BICD2: variants seen among roughly 807,000 people sequenced by gnomAD.
BICD2 encodes protein bicaudal D homolog 2.
Under a neutral mutation model 72.9 loss-of-function variants are expected in BICD2, and 25 were observed. The ratio of observed to expected loss-of-function variants is 0.34; its 90% CI spans 0.25 to 0.48. BICD2 has a LOEUF of 0.48. Ranked by LOEUF, BICD2 falls within the 20% of genes least tolerant of loss-of-function variation. The pLI, the probability that BICD2 is intolerant of heterozygous loss-of-function variation, is 0.99. For synonymous variants in BICD2, 501 were observed against 516.1 expected, an observed-to-expected ratio of 0.97 and a Z score of 0.40; for missense variants, 894 against 1,175.2, an observed-to-expected ratio of 0.76 and a Z score of 3.50.
At chr9:92,761,087 G>C (rs1854361732) in intron 1 of BICD2, among the ~76,000 whole-genome samples, 1 of 152,120 alleles carries the variant, frequency 6.6e-6, no homozygotes, top group African/African-American at 2.4e-5. Flanking sequence ...GCAGGCAGGG[G>C]AATTTTAGAG....
At chr9:92,718,259 G>A (rs2131499142) in intron 5 of BICD2, among the ~76,000 whole-genome samples, 2 of 152,370 alleles carry the variant, frequency 1.3e-5, no homozygotes, top group South Asian at 4.1e-4. Flanking sequence ...CCAGTATCAG[G>A]AAGCACTACG....
At chr9:92,751,134 T>TTTTG (rs544044268) in intron 1 of BICD2, among the ~76,000 whole-genome samples, 10 of 150,458 alleles carry the variant, frequency 6.6e-5, no homozygotes, top group East Asian at 2.0e-4. Flanking sequence ...TGGTTGGTTT[T>TTTTG]TTGTTGTTGT....
chr9:92,754,615 G>A (rs891513817), intron 1 of BICD2, among the ~76,000 whole-genome samples: 2 of 152,162 alleles, frequency 1.3e-5, no homozygotes, highest in African/African-American at 2.4e-5. Flanking sequence ...CAGAGAGACC[G>A]GCTGAAGCCA....
chr9:92,722,504 C>T (rs1435582179), intron 3 of BICD2, 152 bp downstream of exon 3: 3 of 995,714 alleles, frequency 3.0e-6, no homozygotes, highest in Non-Finnish European at 4.4e-6. Context: ...ACCAAGTATA[C>T]CCCTGCCTCC....
At position 92,720,624 on chromosome 9, in the gene BICD2, G is replaced by C; in HGVS notation, c.738C>G (p.Thr246=). ...TCTTCTGTTCGCGCTCCGTCTTCAGGGTCTCCAGCGCCTCCTCCAGCTGCC... is the reference window on the plus strand; with the variant it reads ...TCTTCTGTTCGCGCTCCGTCTTCAGCGTCTCCAGCGCCTCCTCCAGCTGCC... ...SERQLEEALE[T]LKTEREQKNS... The change falls in exon 4 of 7, where the codon ACC becomes ACG. Residue 246 remains threonine (T), a synonymous_variant. Transcript: ENST00000356884. The surrounding 1 kb of genome is among the most constrained non-coding windows in gnomAD (Gnocchi z 5.4). 6.2e-7 allele frequency: 1 copy of C among 1,614,140 alleles called. No individual in the cohort carries two copies. The highest frequency in any genetic ancestry group is 8.5e-7 in the Non-Finnish European group (1 of 1,180,028).
chr9:92,737,089 A>C (rs997706449), intron 1 of BICD2, among the ~76,000 whole-genome samples: 5 of 152,112 alleles, frequency 3.3e-5, no homozygotes, highest in Admixed American at 2.6e-4. Context: ...ATCTCAGGGA[A>C]GCACAGCCAA....
rs137901540 is a variant in BICD2, at chr9:92,748,644, C to T, written c.240+15861G>A. ...ATGGGAGACCCTACCTCACCATCCC[C>T]TCAGCCAGCTCTTCCCATCCATCCC... is the stretch of plus-strand genomic sequence containing the variant. On this transcript the variant is annotated intron_variant, in intron 1 of 6. Transcript: ENST00000356884. Among the ~76,000 whole-genome samples the T allele has an allele frequency of 3.2e-3, 484 of 152,256 alleles. 5 individuals are homozygous for T. The highest frequency in any genetic ancestry group is 0.011 in the African/African-American group (459 of 41,536).
chr9:92,731,677 TGGAAGATGGC>T (rs1167970756), intron 1 of BICD2, among the ~76,000 whole-genome samples: 2 of 152,048 alleles, frequency 1.3e-5, no homozygotes, highest in African/African-American at 4.8e-5. Context: ...AAGGAGGGAC[TGGAAGATGGC>T]GGAAGATGGC....
intron 1 of BICD2, among the ~76,000 whole-genome samples, chr9:92,759,005 A>AAAT (rs995774986): frequency 1.3e-4 from 19 of 151,910 alleles, no homozygotes; most frequent in African/African-American, 4.3e-4. Flanking sequence ...CAAAATAAAT[A>AAAT]AATAATAATA....
At position 92,720,633 on chromosome 9, in the gene BICD2, C is replaced by T. The variant is rs200066450; in HGVS notation, c.729G>A (p.Ala243=). The change falls in exon 4 of 7, where the codon GCG becomes GCA. Residue 243 remains alanine, a synonymous_variant. Transcript: ENST00000356884. This position sits in a 1 kb window ranked among gnomAD's most constrained non-coding sequence, Gnocchi z 5.4. ...KEISERQLEE[A]LETLKTEREQ... ...CGCGCTCCGTCTTCAGGGTCTCCAG[C>T]GCCTCCTCCAGCTGCCGCTCTGAGA... 1.7e-5 allele frequency: 28 copies of T among 1,614,168 alleles called. No individual in the cohort carries two copies. The Admixed American group carries it at 1.8e-4, about 11-fold the overall frequency.
Position 92,751,336 on chromosome 9 carries a change from A to C in BICD2, c.240+13169T>G, listed in dbSNP as rs151148300. Among the ~76,000 whole-genome samples the C allele has an allele frequency of 3.3e-3, 496 of 152,168 alleles. 1 individual carries two copies. Among genetic ancestry groups the C allele is most frequent in the African/African-American group, 0.011 (449 of 41,508 alleles). ...CGGCTAATTTTTGCATTTTTAGTAG[A>C]GACGGGTTTTCGTCATGTTGGCCAG... On this transcript the variant is annotated intron_variant, in intron 1 of 6. Coordinates refer to ENST00000356884, the MANE Select transcript of BICD2 (RefSeq NM_001003800.2).
At chr9:92,737,822 A>C (rs1853819411) in intron 1 of BICD2, among the ~76,000 whole-genome samples, 1 of 152,230 alleles carries the variant, frequency 6.6e-6, no homozygotes, top group South Asian at 2.1e-4. Flanking sequence ...AGGAGGAAAC[A>C]GTGGCAGGTG....
At chr9:92,746,992 G>T (rs1488090066) in intron 1 of BICD2, among the ~76,000 whole-genome samples, 3 of 152,206 alleles carry the variant, frequency 2.0e-5, no homozygotes, top group Admixed American at 2.0e-4. Context: ...GAGGTCAAAG[G>T]CCGCCCTAAA....
chr9:92,713,767 G>C lies in BICD2; in HGVS notation c.*1387C>G, dbSNP rs1179956926. ...ATCTGGGCCCAGGATGAACACGCAG[G>C]GGACATACATGGGCGTGTCCTGGAG... On this transcript the variant is annotated 3_prime_UTR_variant, in exon 7 of 7. Transcript: ENST00000356884. 1.2e-5 allele frequency: 15 copies of C among 1,295,652 alleles called. No homozygotes were observed. Among genetic ancestry groups the C allele is most frequent in the South Asian group, 1.0e-4 (6 of 59,228 alleles). The allele number at this position is 1,295,652 out of a possible 1,614,324, so 80.3% of individuals were successfully genotyped here.
At chr9:92,748,685 G>A (rs549741898) in intron 1 of BICD2, among the ~76,000 whole-genome samples, 1 of 152,090 alleles carries the variant, frequency 6.6e-6, no homozygotes, top group Non-Finnish European at 1.5e-5. Flanking sequence ...GGGTGGGGAT[G>A]CTCCAGCATC....
At position 92,713,806 on chromosome 9, in the gene BICD2, G is replaced by A. The variant is rs1171055170; in HGVS notation, c.*1348C>T. On this transcript the variant is annotated 3_prime_UTR_variant, in exon 7 of 7. Coordinates refer to ENST00000356884, the MANE Select transcript of BICD2 (RefSeq NM_001003800.2). The stretch of plus-strand genomic sequence containing the variant: ...CGTGTCCTGGAGTCTGGAGGGGACC[G>A]AAACATACTCGGCACCAAAGGGAAG... 2.6e-6 allele frequency: 3 copies of A among 1,141,332 alleles called. No homozygotes were observed. The highest frequency in any genetic ancestry group is 5.2e-5 in the East Asian group (1 of 19,102). 70.7% of individuals were successfully genotyped at this position (1,141,332 alleles called of 1,614,324 possible). A position where few individuals can be genotyped will look rare whatever the true frequency, so the allele number is the denominator to read the frequency against.
In BICD2 at chr9:92,715,435, C is replaced by T. The variant is rs1368172258; in HGVS notation, c.2287G>A (p.Glu763Lys). ...RCDEYITQLDEMQRQLAAAED... is the reference protein window; with the variant it reads ...RCDEYITQLDKMQRQLAAAED... Reference sequence around the variant, plus strand: ...GCAGCCGCCAGCTGCCGCTGCATCTCATCCAGCTGTGTAATGTACTCGTCA... The same window carrying T: ...GCAGCCGCCAGCTGCCGCTGCATCTTATCCAGCTGTGTAATGTACTCGTCA... The change falls in exon 7 of 7, where the codon GAG becomes AAG. Residue 763 changes from glutamate to lysine, a missense_variant. Transcript: ENST00000356884. The T allele has an allele frequency of 1.2e-6, 2 of 1,602,934 alleles. No homozygotes were observed.
At chr9:92,739,159 C>T (rs1428927221) in intron 1 of BICD2, among the ~76,000 whole-genome samples, 2 of 152,228 alleles carry the variant, frequency 1.3e-5, no homozygotes, top group African/African-American at 2.4e-5. Context: ...ATCCACTCGA[C>T]GGGCTGTGAA....
chr9:92,729,151 G>C lies in BICD2; in HGVS notation c.326C>G (p.Ser109Cys). ...CTTCCGCACGTAGTACTGCTCCTTG[G>C]AGGCCGACTCCTGGATCAGGCTCTC... ...REESLIQESA[S>C]KEQYYVRKVL... is the part of the protein sequence containing the mutation. Residue 109 changes from serine to cysteine, a missense_variant, in exon 2 of 7, where the codon TCC (serine) becomes TGC (cysteine). Ser to Cys is a moderately radical substitution (Grantham distance 112). Around this residue, in one of 5 missense-constraint regions of BICD2, gnomAD observed 192 missense variants for 243.6 expected, o/e 0.79. Transcript: ENST00000356884. 1 of 1,614,222 alleles carries C rather than the reference G, an allele frequency of 6.2e-7. No individual in the cohort carries two copies. The highest frequency in any genetic ancestry group is 8.5e-7 in the Non-Finnish European group (1 of 1,180,052).
Sources: gnomAD v4.1 joint callset for allele counts (sites outside exome capture counted in the v4.1 genomes callset) on GRCh38, gnomAD v4.1.1 for gene constraint, gnomAD v4.1.1 regional missense constraint, Gnocchi (gnomAD v3.1) non-coding constraint, MANE v1.5 for transcripts, NCBI Gene and HGNC (gene_info 2026-07-23, HGNC 2026-07-21) for gene names.